The following TCP11L2 variants were observed in gnomAD, a reference collection of about 807,000 sequenced individuals.
TCP11L2 encodes t-complex 11 like 2, also known as T-complex protein 11-like protein 2.
A neutral mutation model predicts 50.7 loss-of-function variants in TCP11L2; 39 were observed. The ratio of observed to expected loss-of-function variants is 0.77; its 90% confidence interval spans 0.60 to 1.01. The LOEUF is 1.01. Ranked by LOEUF, TCP11L2 falls within the 50% of genes least tolerant of loss-of-function variation. The pLI, the probability that TCP11L2 is intolerant of heterozygous loss-of-function variation, is 0.00. For missense variants in TCP11L2, 612 were observed against 614.7 expected (o/e 1.00, Z 0.05); for synonymous variants, 192 against 219.3 (o/e 0.88, Z 1.10).
upstream of TCP11L2, among the ~76,000 whole-genome samples, chr12:106,298,711 T>A (rs1278568577): frequency 6.6e-6 from 1 of 151,748 alleles, no homozygotes; most frequent in Non-Finnish European, 1.5e-5. Context: ...TTAGTAGAGA[T>A]GAGGTTTTGC....
At chr12:106,306,652 C>T (rs187116994) in intron 1 of TCP11L2, among the ~76,000 whole-genome samples, 45 of 152,046 alleles carry the variant, frequency 3.0e-4, no homozygotes, top group Admixed American at 2.3e-3. Context: ...ATTACATTTT[C>T]GGAACTTGTA....
At chr12:106,340,764 TA>T in intron 8 of TCP11L2, 61 bp from the exon 9 acceptor site, 1 of 1,420,702 alleles carries the variant, frequency 7.0e-7, no homozygotes, top group Non-Finnish European at 9.5e-7. Context: ...GTCTGTATAT[TA>T]AAAATAATAA....
intron 4 of TCP11L2, 144 bp downstream of exon 4, chr12:106,318,608 C>A: frequency 9.8e-7 from 1 of 1,016,118 alleles, no homozygotes; most frequent in South Asian, 1.8e-5. Flanking sequence ...ATCAAAGCAC[C>A]ACCAGATTCG....
At chr12:106,310,269 G>T (rs143809540) in intron 1 of TCP11L2, among the ~76,000 whole-genome samples, 182 of 152,330 alleles carry the variant, frequency 1.2e-3, no homozygotes, top group Admixed American at 2.2e-3. Flanking sequence ...CCACTTGTGA[G>T]TCAGGATCCT....
intron 2 of TCP11L2, 125 bp downstream of exon 2, chr12:106,311,357 C>T: frequency 9.1e-7 from 1 of 1,096,972 alleles, no homozygotes; most frequent in South Asian, 1.6e-5. Flanking sequence ...ACCAGAATAG[C>T]ACTGCAGAGG....
At chr12:106,325,547 G>C (rs2035505419) in intron 6 of TCP11L2, 1 of 152,254 alleles carries the variant, frequency 6.6e-6, no homozygotes, top group Admixed American at 6.5e-5. Flanking sequence ...TTGACTGTTT[G>C]ATGATGGTCA....
upstream of TCP11L2, among the ~76,000 whole-genome samples, chr12:106,302,392 GCTCAGCCCCCGCTCA>G (rs1334264650): frequency 0.11 from 8,173 of 77,072 alleles, 1,579 homozygotes; most frequent in African/African-American, 0.15. Context: ...CTCAGCCCCC[GCTCAGCCCCCGCTCA>G]GCCCCCGCTC....
intron 5 of TCP11L2, among the ~76,000 whole-genome samples, chr12:106,322,106 A>G (rs1384539784): frequency 6.6e-6 from 1 of 152,188 alleles, no homozygotes; most frequent in Non-Finnish European, 1.5e-5. Flanking sequence ...TAGGGTCACT[A>G]GCTGCTATAA....
intron 3 of TCP11L2, 137 bp downstream of exon 3, chr12:106,314,630 A>G (rs1475320902): frequency 1.1e-5 from 8 of 749,336 alleles, no homozygotes; most frequent in Non-Finnish European, 1.7e-5. Flanking sequence ...ACATATTTAC[A>G]CTGATTCCTG....
intron 2 of TCP11L2, chr12:106,312,434 G>C: frequency 8.3e-7 from 1 of 1,205,918 alleles, no homozygotes; most frequent in Non-Finnish European, 1.0e-6. Context: ...AGCCACCCCA[G>C]GTTTCTGTGC....
chr12:106,313,557 C>T (rs544322602), intron 2 of TCP11L2, among the ~76,000 whole-genome samples: 2 of 147,966 alleles, frequency 1.4e-5, no homozygotes, highest in East Asian at 3.9e-4. Flanking sequence ...TCCAGCCTGG[C>T]AACAGAGTGA....
At chr12:106,328,476 G>A (rs960074817) in intron 6 of TCP11L2, among the ~76,000 whole-genome samples, 8 of 152,178 alleles carry the variant, frequency 5.3e-5, no homozygotes, top group Non-Finnish European at 1.0e-4. Flanking sequence ...CCTGGGAGGC[G>A]GAGGCTGCAG....
chr12:106,298,623 G>A (rs1455217916), upstream of TCP11L2, among the ~76,000 whole-genome samples: 2 of 152,126 alleles, frequency 1.3e-5, no homozygotes, highest in South Asian at 2.1e-4. Flanking sequence ...CCAGGTTCAA[G>A]CAATTCTCCT....
At chr12:106,329,805 G>C in intron 6 of TCP11L2, 1 of 988,540 alleles carries the variant, frequency 1.0e-6, no homozygotes, top group East Asian at 1.1e-4. Flanking sequence ...CTCTCAGTTG[G>C]ATGTCTTTTA....
chr12:106,340,719 C>T, intron 8 of TCP11L2, 107 bp from the exon 9 acceptor site: 1 of 885,780 alleles, frequency 1.1e-6, no homozygotes, highest in Non-Finnish European at 1.7e-6. Context: ...TTATTATTGT[C>T]TGTATAAGAG....
rs1020633404 is a variant in TCP11L2, at chr12:106,319,005, G to A, written c.414+541G>A. 4.6e-5 allele frequency among the ~76,000 whole-genome samples: 7 copies of A among 151,856 alleles called. 1 individual carries two copies. Among genetic ancestry groups the A allele is most frequent in the Admixed American group, 3.3e-4 (5 of 15,238 alleles). On this transcript the variant is annotated intron_variant, in intron 4 of 9. Coordinates refer to ENST00000299045, the MANE Select transcript of TCP11L2 (RefSeq NM_152772.3). Reference sequence around the variant, plus strand: ...CGGCTCACTGCAAGCTCCGCTTCCCGGGTTCACGCCATTCTCCTGCCTCAG... The same window carrying A: ...CGGCTCACTGCAAGCTCCGCTTCCCAGGTTCACGCCATTCTCCTGCCTCAG...
At chr12:106,307,633 A>G (rs1319107203) in intron 1 of TCP11L2, among the ~76,000 whole-genome samples, 2 of 152,194 alleles carry the variant, frequency 1.3e-5, no homozygotes, top group Non-Finnish European at 2.9e-5. Context: ...AGCAGGTATG[A>G]AGGAACTTGC....
intron 8 of TCP11L2, among the ~76,000 whole-genome samples, chr12:106,338,965 A>G (rs1254772056): frequency 6.6e-6 from 1 of 152,116 alleles, no homozygotes; most frequent in African/African-American, 2.4e-5. Context: ...AGATGGCGAA[A>G]CCCCGTCTCT....
At chr12:106,298,866 G>A (rs182427906), upstream of TCP11L2, among the ~76,000 whole-genome samples, 67 of 151,628 alleles carry the variant, frequency 4.4e-4, 1 homozygote, top group Admixed American at 2.5e-3. Flanking sequence ...TGCCCAGGCC[G>A]GAGTGCAATG....
Sources: allele counts gnomAD v4.1 joint callset (sites outside exome capture counted in the v4.1 genomes callset), GRCh38; gene constraint gnomAD v4.1.1; transcripts MANE v1.5; gene names NCBI Gene and HGNC (gene_info 2026-07-23, HGNC 2026-07-21).